MACF1: variants seen among roughly 807,000 people sequenced by gnomAD.
MACF1 encodes microtubule actin crosslinking factor 1.
In MACF1, 193 loss-of-function variants were observed where a neutral mutation model predicts 854.8. That is an observed-to-expected ratio of 0.23 (90% CI 0.20 to 0.25). The LOEUF (loss-of-function observed/expected upper bound fraction) is 0.25. Ranked by LOEUF, MACF1 falls within the 10% of genes least tolerant of loss-of-function variation. MACF1 has a pLI of 1.00. For missense variants in MACF1, 7,722 were observed against 8,929.1 expected, an observed-to-expected ratio of 0.86 and a Z score of 5.45; for synonymous variants, 3,185 against 3,226.7, an observed-to-expected ratio of 0.99 and a Z score of 0.44.
chr1:39,383,749 T>C (rs1025133877), intron 56 of MACF1, among the ~76,000 whole-genome samples: 6 of 151,916 alleles, frequency 3.9e-5, no homozygotes, highest in Non-Finnish European at 7.4e-5. Context: ...TGGTGGCGGG[T>C]GCCTGTAGTC....
intron 44 of MACF1, among the ~76,000 whole-genome samples, chr1:39,357,075 C>T (rs1409290897): frequency 6.6e-6 from 1 of 152,194 alleles, no homozygotes. Context: ...CCTCTCCCTA[C>T]TTCTAGCTTA....
At chr1:39,288,756 C>T (rs141252148) in intron 15 of MACF1, among the ~76,000 whole-genome samples, 7 of 152,224 alleles carry the variant, frequency 4.6e-5, no homozygotes, top group East Asian at 1.9e-4. Flanking sequence ...CGCACCACTG[C>T]GCTCCAGCCT....
chr1:39,323,002 G>A lies in MACF1; in HGVS notation c.4230G>A (p.Glu1410=). 3 of 1,614,040 alleles carry A rather than the reference G, an allele frequency of 1.9e-6. No homozygotes were observed. Among genetic ancestry groups the A allele is most frequent in the Non-Finnish European group, 2.5e-6 (3 of 1,179,926 alleles). The change falls in exon 33 of 101, where the codon GAG becomes GAA. Residue 1410 remains glutamate (E), a synonymous_variant. Transcript: ENST00000564288. The part of the protein sequence containing the change: ...YISDALRRLE[E]EEKVVEEEKQ... ...GTGATGCACTCCGGCGTCTGGAGGA[G>A]GAGGAGGTGAGGACAGTTGGGTCCA...
chr1:39,257,285 T>C (rs866946618), intron 5 of MACF1, among the ~76,000 whole-genome samples: 1 of 148,230 alleles, frequency 6.7e-6, no homozygotes, highest in Middle Eastern at 3.4e-3. Flanking sequence ...AAGGGCATTA[T>C]GCCGAGTGAA....
Position 39,400,800 on chromosome 1 carries a change from A to T in MACF1, c.15816+12142A>T, listed in dbSNP as rs551714895. ...TGGGGTTATAAACATGAGCCATTGT[A>T]TCAAGCCTGTGAAATCTTTTTAATA... On this transcript the variant is annotated intron_variant, in intron 58 of 100. Coordinates refer to ENST00000564288, the MANE Select transcript of MACF1 (RefSeq NM_001394062.1). Among the ~76,000 whole-genome samples the T allele has an allele frequency of 3.3e-5, 5 of 152,240 alleles. No individual in the cohort carries two copies. In the East Asian group the frequency reaches 7.7e-4, roughly 23 times the overall value.
rs745383687 is a variant in MACF1, at chr1:39,349,530, G to T, written c.10868G>T (p.Ser3623Ile). The T allele has an allele frequency of 1.2e-6, 2 of 1,614,220 alleles. No homozygotes were observed. Among genetic ancestry groups the T allele is most frequent in the East Asian group, 4.5e-5 (2 of 44,890 alleles). Reference protein sequence around the residue: ...TCHQQLEDLCSWVGQAERALA... With the variant: ...TCHQQLEDLCIWVGQAERALA... ...CACCAGCAACTGGAGGATCTTTGCA[G>T]TTGGGTAGGACAGGCAGAAAGAGCA... The change falls in exon 42 of 101, where the codon AGT becomes ATT. Residue 3623 changes from serine to isoleucine, a missense_variant. By Grantham distance (142) the Ser-to-Ile change is moderately radical. Around this residue, in one of 15 missense-constraint regions of MACF1, gnomAD observed 2,807 missense variants for 3,235.8 expected, o/e 0.87. Coordinates refer to ENST00000564288, the MANE Select transcript of MACF1 (RefSeq NM_001394062.1).
intron 5 of MACF1, among the ~76,000 whole-genome samples, chr1:39,256,542 A>G (rs4660208): frequency 0.16 from 24,228 of 152,174 alleles, 2,398 homozygotes; most frequent in Middle Eastern, 0.22. Context: ...AAGGGAGGAC[A>G]GCTGAAGGAC....
chr1:39,299,725 G>C (rs1646002049), intron 21 of MACF1, among the ~76,000 whole-genome samples: 1 of 152,168 alleles, frequency 6.6e-6, no homozygotes, highest in Non-Finnish European at 1.5e-5. Context: ...ATTTGGAGTA[G>C]AGCTTGGGAG....
chr1:39,377,787 T>C (rs1354520593), intron 52 of MACF1, among the ~76,000 whole-genome samples: 1 of 152,204 alleles, frequency 6.6e-6, no homozygotes, highest in Non-Finnish European at 1.5e-5. Flanking sequence ...GCAGATCACC[T>C]GAGGTCGGGA....
intron 2 of MACF1, among the ~76,000 whole-genome samples, chr1:39,106,415 C>T (rs1642239855): frequency 6.6e-6 from 1 of 152,126 alleles, no homozygotes; most frequent in Admixed American, 6.5e-5. Flanking sequence ...CTAATCTGCG[C>T]CTTGGGTGTA....
intron 6 of MACF1, among the ~76,000 whole-genome samples, chr1:39,275,780 A>T (rs1392911405): frequency 6.6e-6 from 1 of 152,186 alleles, no homozygotes; most frequent in Non-Finnish European, 1.5e-5. Context: ...GAATACTGAA[A>T]GGAGCACTCC....
intron 52 of MACF1, among the ~76,000 whole-genome samples, chr1:39,377,400 A>G (rs1649818174): frequency 6.6e-6 from 1 of 152,204 alleles, no homozygotes; most frequent in Non-Finnish European, 1.5e-5. Flanking sequence ...AAGTATCATT[A>G]TGAATATTTT....
chr1:39,216,838 G>A (rs1644582611), intron 1 of MACF1, among the ~76,000 whole-genome samples: 1 of 152,030 alleles, frequency 6.6e-6, no homozygotes, highest in African/African-American at 2.4e-5. Flanking sequence ...TTTATTGAAA[G>A]TTTCAGGGCA....
intron 1 of MACF1, chr1:39,206,389 C>A (rs1287779323): frequency 6.6e-6 from 1 of 152,130 alleles, no homozygotes; most frequent in Non-Finnish European, 1.5e-5. Context: ...AAAATAAATA[C>A]AATATCATTT....
intron 2 of MACF1, among the ~76,000 whole-genome samples, chr1:39,151,383 C>T (rs1643574293): frequency 6.6e-6 from 1 of 152,128 alleles, no homozygotes; most frequent in Non-Finnish European, 1.5e-5. Flanking sequence ...AATGCTCTTT[C>T]TAAAATTAAA....
Position 39,424,270 on chromosome 1 carries a change from CT to C in MACF1, c.16316+78del, listed in dbSNP as rs1465231482. 4.0e-6 allele frequency: 5 copies of C among 1,256,932 alleles called. No homozygotes were observed. The East Asian group carries it at 1.2e-4, about 30-fold the overall frequency. The allele number at this position is 1,256,932 out of a possible 1,614,324, so 77.9% of individuals were successfully genotyped here. On this transcript the variant is annotated intron_variant, in intron 61 of 100. Transcript: ENST00000564288. ...CTTCGACTTATTATCACTATAAGTTCTTGGATGATTCATATAGATTTTTGGA... is the reference window on the plus strand; with the variant it reads ...CTTCGACTTATTATCACTATAAGTTCTGGATGATTCATATAGATTTTTGGA...
At chr1:39,456,778 CT>C in intron 89 of MACF1, 1 of 152,430 alleles carries the variant, frequency 6.6e-6, no homozygotes, top group Non-Finnish European at 1.5e-5. Flanking sequence ...GTCTCATCTC[CT>C]TTTTTCCCAT....
Position 39,283,390 on chromosome 1 carries a change from C to G in MACF1, c.809-19C>G. 1.9e-6 allele frequency: 3 copies of G among 1,592,538 alleles called. No individual in the cohort carries two copies. The highest frequency in any genetic ancestry group is 2.6e-6 in the Non-Finnish European group (3 of 1,160,450). On this transcript the variant is annotated intron_variant, in intron 8 of 100. Transcript: ENST00000564288. The surrounding 1 kb of genome is among the most constrained non-coding windows in gnomAD (Gnocchi z 4.5). ...TTCCTTTGTTCTGACTAAGAAATTT[C>G]TTGTCCATTCTCTCTCAGATGTGGA...
intron 97 of MACF1, among the ~76,000 whole-genome samples, chr1:39,473,434 G>T (rs1371491410): frequency 6.6e-6 from 1 of 152,076 alleles, no homozygotes; most frequent in Admixed American, 6.5e-5. Flanking sequence ...CTTTTAAATT[G>T]CTTTAATATT....
Sources: allele counts gnomAD v4.1 joint callset (sites outside exome capture counted in the v4.1 genomes callset), GRCh38; gene constraint gnomAD v4.1.1; regional missense constraint gnomAD v4.1.1; non-coding constraint Gnocchi (gnomAD v3.1); transcripts MANE v1.5; gene names NCBI Gene and HGNC (gene_info 2026-07-23, HGNC 2026-07-21).